OR2L13: variants seen among roughly 807,000 people sequenced by gnomAD.
OR2L13 encodes the protein olfactory receptor family 2 subfamily L member 13.
Under a neutral mutation model 15.3 loss-of-function variants are expected in OR2L13, and 14 were observed. The observed-to-expected ratio is 0.91, with a 90% CI of 0.60 to 1.43. The LOEUF (loss-of-function observed/expected upper bound fraction) is 1.43. OR2L13 is among the 40% of genes most tolerant of loss of function. The pLI is 0.00. For missense variants in OR2L13, 367 were observed against 387.9 expected (o/e 0.95, Z 0.45); for synonymous variants, 152 against 142.9 (o/e 1.06, Z -0.45).
At chr1:247,938,688 A>T in the OR2L13 span, among the ~76,000 whole-genome samples, 5 of 152,100 alleles carry the variant, frequency 3.3e-5, no homozygotes, top group African/African-American at 1.2e-4. Flanking sequence ...ACACACATAT[A>T]TTTTTCTTAA....
chr1:248,088,160 C>T, the OR2L13 span, among the ~76,000 whole-genome samples: 1 of 151,978 alleles, frequency 6.6e-6, no homozygotes, highest in Non-Finnish European at 1.5e-5. Context: ...AGCGGAAGAA[C>T]TTTAATGTTC....
chr1:247,941,549 A>C, the OR2L13 span, among the ~76,000 whole-genome samples: 1 of 152,194 alleles, frequency 6.6e-6, no homozygotes, highest in African/African-American at 2.4e-5. Context: ...AGATGAAAAA[A>C]ATAGATGGAT....
chr1:247,968,829 G>A, the OR2L13 span, among the ~76,000 whole-genome samples: 1 of 152,048 alleles, frequency 6.6e-6, no homozygotes, highest in Non-Finnish European at 1.5e-5. Flanking sequence ...CTTTATAGCA[G>A]CATGATTTAT....
chr1:248,084,452 G>A, the OR2L13 span: 18,267 of 1,574,184 alleles, frequency 0.012, 437 homozygotes, highest in African/African-American at 0.092. Context: ...GGCCGGTCCC[G>A]GTGAATCAGG....
chr1:248,022,520 C>A, the OR2L13 span: 1 of 1,614,134 alleles, frequency 6.2e-7, no homozygotes, highest in Non-Finnish European at 8.5e-7. Context: ...GTACAGACAC[C>A]TGGGTCTATG....
chr1:248,082,405 G>A, the OR2L13 span, among the ~76,000 whole-genome samples: 20 of 144,188 alleles, frequency 1.4e-4, no homozygotes, highest in Non-Finnish European at 2.1e-4. Context: ...GCTAGATGAC[G>A]AGTTAGTGGG....
chr1:248,010,752 G>A, the OR2L13 span, among the ~76,000 whole-genome samples: 1 of 114,794 alleles, frequency 8.7e-6, no homozygotes, highest in Non-Finnish European at 1.8e-5. Context: ...TGCAAATACT[G>A]CTTTGTTGTT....
chr1:247,954,537 TC>T, the OR2L13 span, among the ~76,000 whole-genome samples: 1 of 152,136 alleles, frequency 6.6e-6, no homozygotes, highest in African/African-American at 2.4e-5. Flanking sequence ...CATAGGGTTT[TC>T]TAGTTAAATT....
At chr1:248,021,937 A>C in the OR2L13 span, 1 of 1,603,864 alleles carries the variant, frequency 6.2e-7, no homozygotes, top group Middle Eastern at 1.7e-4. Context: ...GAAGGATCGT[A>C]TGAATGCCCC....
chr1:247,957,258 T>G, the OR2L13 span, among the ~76,000 whole-genome samples: 1 of 152,246 alleles, frequency 6.6e-6, no homozygotes, highest in African/African-American at 2.4e-5. Context: ...TTGATTTGCA[T>G]ATGTTGAACC....
chr1:247,949,921 T>G, the OR2L13 span: 2 of 633,550 alleles, frequency 3.2e-6, no homozygotes, highest in African/African-American at 1.8e-5. Context: ...AGAAAATCAC[T>G]GATATATGGA....
chr1:248,080,131 A>G, the OR2L13 span, among the ~76,000 whole-genome samples: 2 of 151,886 alleles, frequency 1.3e-5, no homozygotes, highest in African/African-American at 2.4e-5. Flanking sequence ...TTACAGATAC[A>G]TATTTTTTTT....
chr1:247,966,487 TC>T, the OR2L13 span: 2 of 725,826 alleles, frequency 2.8e-6, no homozygotes, highest in Admixed American at 7.0e-5. Context: ...AAATCTGTGT[TC>T]CCCTGGCATT....
chr1:247,990,724 A>T, the OR2L13 span: 1 of 1,566,090 alleles, frequency 6.4e-7, no homozygotes, highest in South Asian at 1.1e-5. Context: ...GATAGGCTCC[A>T]TCAACTCTTG....
chr1:248,041,040 A>C, the OR2L13 span: 1 of 152,166 alleles, frequency 6.6e-6, no homozygotes, highest in Non-Finnish European at 1.5e-5. Context: ...TTTTCTCATC[A>C]TTAGGACTGT....
chr1:248,047,038 T>G, the OR2L13 span, among the ~76,000 whole-genome samples: 1 of 152,148 alleles, frequency 6.6e-6, no homozygotes, highest in Non-Finnish European at 1.5e-5. Context: ...AATCTTGGAG[T>G]ATGAAATGCA....
At chr1:248,060,808 T>G in the OR2L13 span, 3 of 1,614,066 alleles carry the variant, frequency 1.9e-6, no homozygotes, top group South Asian at 2.2e-5. Flanking sequence ...TGGAAACCTA[T>G]CCATGATTCT....
chr1:248,018,642 T>G, the OR2L13 span, among the ~76,000 whole-genome samples: 2 of 152,154 alleles, frequency 1.3e-5, no homozygotes, highest in Non-Finnish European at 2.9e-5. Context: ...TTAATTAGAG[T>G]AAATATACTT....
chr1:248,011,725 G>T, the OR2L13 span, among the ~76,000 whole-genome samples: 3 of 152,050 alleles, frequency 2.0e-5, 1 homozygote, highest in African/African-American at 2.4e-5. Flanking sequence ...TAGCTATCAA[G>T]ACTTATTCAA....
Sources: gnomAD v4.1 joint callset for allele counts (sites outside exome capture counted in the v4.1 genomes callset) on GRCh38, gnomAD v4.1.1 for gene constraint, MANE v1.5 for transcripts, NCBI Gene and HGNC (gene_info 2026-07-23, HGNC 2026-07-21) for gene names.